ATXN1: variants seen among roughly 807,000 people sequenced by gnomAD.
The protein encoded by ATXN1 is ataxin 1.
Under a neutral mutation model 56.4 loss-of-function variants are expected in ATXN1, and 8 were observed. That is an observed-to-expected ratio of 0.14 (90% confidence interval 0.08 to 0.26). The LOEUF (loss-of-function observed/expected upper bound fraction) is 0.26, where lower values mean the gene tolerates loss of function less well. ATXN1 is among the 10% of genes least tolerant of loss of function. The pLI is 1.00. For synonymous variants in ATXN1, 514 were observed against 494.6 expected (o/e 1.04, Z -0.52); for missense variants, 987 against 1,106.5 (o/e 0.89, Z 1.53).
rs1046854905 is a variant in ATXN1, at chr6:16,759,530, G to GTTTTTTTTTTTTTTTTT, written c.-730+1751_-730+1767dup. ...ATTATATAACCAGCTTCTTCCGACT[G>GTTTTTTTTTTTTTTTTT]TTTTTTTTTTTTTTTTTTTTTTTTT... is the stretch of plus-strand genomic sequence containing the variant. On this transcript the variant is annotated intron_variant, in intron 1 of 7. Transcript: ENST00000436367. 1.1e-4 allele frequency among the ~76,000 whole-genome samples: 5 copies of GTTTTTTTTTTTTTTTTT among 45,926 alleles called. 1 individual carries two copies. In the East Asian group the frequency reaches 2.6e-3, roughly 24 times the overall value. 30.1% of individuals were successfully genotyped at this position (45,926 alleles called of 152,430 possible).
intron 6 of ATXN1, among the ~76,000 whole-genome samples, chr6:16,384,749 C>T (rs1037694800): frequency 6.6e-6 from 1 of 152,204 alleles, no homozygotes; most frequent in African/African-American, 2.4e-5. Context: ...GTAGGACGTG[C>T]TGGCTTCCCC....
intron 2 of ATXN1, among the ~76,000 whole-genome samples, chr6:16,669,718 A>G (rs1395560171): frequency 6.8e-6 from 1 of 147,734 alleles, no homozygotes; most frequent in African/African-American, 2.5e-5. Context: ...AATGTGCAGA[A>G]CGTGCAGGTT....
intron 2 of ATXN1, among the ~76,000 whole-genome samples, chr6:16,680,301 T>C (rs1398048770): frequency 1.3e-5 from 2 of 152,162 alleles, no homozygotes; most frequent in Non-Finnish European, 2.9e-5. Context: ...TATCACAACA[T>C]TTGCTTTCAG....
chr6:16,709,567 A>T (rs1264004367), intron 2 of ATXN1, among the ~76,000 whole-genome samples: 1 of 152,012 alleles, frequency 6.6e-6, no homozygotes, highest in Non-Finnish European at 1.5e-5. Context: ...ATTAAATTTT[A>T]AAAACTTAGA....
intron 6 of ATXN1, among the ~76,000 whole-genome samples, chr6:16,375,991 GCAC>G (rs1762133495): frequency 6.6e-6 from 1 of 152,234 alleles, no homozygotes. Flanking sequence ...CAAGCCCTGG[GCAC>G]TGGTGCCCCA....
intron 2 of ATXN1, among the ~76,000 whole-genome samples, chr6:16,714,328 C>T (rs767061708): frequency 2.0e-5 from 3 of 152,002 alleles, no homozygotes; most frequent in Non-Finnish European, 4.4e-5. Context: ...GCAGAGCATC[C>T]GCTGACTGAA....
intron 5 of ATXN1, among the ~76,000 whole-genome samples, chr6:16,495,309 A>G (rs1305375960): frequency 6.6e-6 from 1 of 152,236 alleles, no homozygotes; most frequent in Non-Finnish European, 1.5e-5. Flanking sequence ...GTTATATGAT[A>G]GTATCTTCAA....
intron 3 of ATXN1, among the ~76,000 whole-genome samples, chr6:16,586,835 A>G (rs1340422042): frequency 6.6e-6 from 1 of 152,176 alleles, no homozygotes; most frequent in African/African-American, 2.4e-5. Flanking sequence ...CCTGGCCAAC[A>G]TGGTGTAACC....
chr6:16,534,259 A>T (rs922809198), intron 4 of ATXN1, among the ~76,000 whole-genome samples: 3 of 152,056 alleles, frequency 2.0e-5, no homozygotes, highest in East Asian at 3.8e-4. Context: ...CTGACCGTTA[A>T]GAGTTTTAAC....
intron 3 of ATXN1, among the ~76,000 whole-genome samples, chr6:16,653,857 C>T (rs1275002704): frequency 6.6e-6 from 1 of 152,128 alleles, no homozygotes; most frequent in African/African-American, 2.4e-5. Flanking sequence ...GCAAATATTT[C>T]CTGGACACCT....
At chr6:16,352,601 C>T (rs1359658558) in intron 6 of ATXN1, among the ~76,000 whole-genome samples, 1 of 152,084 alleles carries the variant, frequency 6.6e-6, no homozygotes, top group Non-Finnish European at 1.5e-5. Context: ...GAAATGACCA[C>T]AGCAAGGCAC....
intron 3 of ATXN1, among the ~76,000 whole-genome samples, chr6:16,601,911 T>G (rs1315238416): frequency 6.6e-6 from 1 of 152,076 alleles, no homozygotes; most frequent in African/African-American, 2.4e-5. Flanking sequence ...GTAGAAGATT[T>G]TGTGCAAGCG....
intron 6 of ATXN1, among the ~76,000 whole-genome samples, chr6:16,409,809 T>C (rs1245285955): frequency 6.6e-6 from 1 of 152,072 alleles, no homozygotes; most frequent in East Asian, 1.9e-4. Flanking sequence ...TCACATGTCT[T>C]GGTTTGCGGC....
Position 16,615,326 on chromosome 6 carries a change from A to C in ATXN1, c.-488-29419T>G, listed in dbSNP as rs564100327. 270 of 150,792 alleles carry C rather than the reference A, an allele frequency of 1.8e-3. 1 individual carries two copies. The highest frequency in any genetic ancestry group is 6.4e-3 in the African/African-American group (260 of 40,892). 9.3% of individuals were successfully genotyped at this position (150,792 alleles called of 1,614,324 possible). A position where few individuals can be genotyped will look rare whatever the true frequency, so the allele number is the denominator to read the frequency against. On this transcript the variant is annotated intron_variant, in intron 3 of 7. Transcript: ENST00000436367. ...TCTTTTTGTCATCATCGCATCTTGA[A>C]AGTAGAGAGGAAAGGAATGGAAGGG... is the stretch of plus-strand genomic sequence containing the variant.
Position 16,327,340 on chromosome 6 carries a change from A to G in ATXN1, c.971T>C (p.Leu324Pro). 2 of 1,613,362 alleles carry G rather than the reference A, an allele frequency of 1.2e-6. No individual in the cohort carries two copies. Among genetic ancestry groups the G allele is most frequent in the Non-Finnish European group, 1.7e-6 (2 of 1,179,974 alleles). ...CCGGCTCTTCTCCATCTCACCGTTC[A>G]GGACCTCCTTGGCCTGGATGGCCTG... ...LQQAIQAKEV[L>P]NGEMEKSRRY... Residue 324 changes from leucine (L) to proline (P), a missense_variant, in exon 7 of 8, where the codon CTG becomes CCG. Coordinates refer to ENST00000436367, the MANE Select transcript of ATXN1 (RefSeq NM_001128164.2).
intron 4 of ATXN1, among the ~76,000 whole-genome samples, chr6:16,579,847 TAG>T (rs990533142): frequency 3.8e-4 from 56 of 149,146 alleles, no homozygotes; most frequent in Non-Finnish European, 3.4e-4. Context: ...GCTCCCATTT[TAG>T]AGAGAGAGAG....
At chr6:16,445,497 T>C (rs534744198) in intron 6 of ATXN1, among the ~76,000 whole-genome samples, 1 of 152,144 alleles carries the variant, frequency 6.6e-6, no homozygotes, top group East Asian at 1.9e-4. Context: ...CTTTCAAATG[T>C]GTTTGATATT....
At chr6:16,412,300 G>A (rs1192987014) in intron 6 of ATXN1, among the ~76,000 whole-genome samples, 1 of 152,162 alleles carries the variant, frequency 6.6e-6, no homozygotes, top group Admixed American at 6.5e-5. Context: ...ACAAGTGAGA[G>A]ACTATTAAGA....
intron 6 of ATXN1, among the ~76,000 whole-genome samples, chr6:16,349,377 C>T (rs534435734): frequency 3.3e-5 from 5 of 152,206 alleles, no homozygotes; most frequent in Admixed American, 6.5e-5. Flanking sequence ...GTGGCACGTG[C>T]CTGTAGTTCC....
Sources: allele counts gnomAD v4.1 joint callset (sites outside exome capture counted in the v4.1 genomes callset), GRCh38; gene constraint gnomAD v4.1.1; transcripts MANE v1.5; gene names NCBI Gene and HGNC (gene_info 2026-07-23, HGNC 2026-07-21).